PICALM: variants seen among roughly 807,000 people sequenced by gnomAD.
The protein encoded by PICALM is phosphatidylinositol binding clathrin assembly protein.
A neutral mutation model predicts 80.5 loss-of-function variants in PICALM; 40 were observed. The observed-to-expected ratio is 0.50, with a 90% CI of 0.39 to 0.65. The LOEUF (loss-of-function observed/expected upper bound fraction) is 0.65, where lower values mean the gene tolerates loss of function less well. Ranked by LOEUF, PICALM falls within the 30% of genes least tolerant of loss-of-function variation. PICALM has a pLI of 0.00. For missense variants in PICALM, 676 were observed against 778.9 expected, an observed-to-expected ratio of 0.87 and a Z score of 1.57; for synonymous variants, 288 against 260.3, an observed-to-expected ratio of 1.11 and a Z score of -1.02.
intron 19 of PICALM, among the ~76,000 whole-genome samples, chr11:85,966,151 A>G (rs1051470397): frequency 6.6e-6 from 1 of 152,070 alleles, no homozygotes; most frequent in African/African-American, 2.4e-5. Flanking sequence ...GGGATGCCAC[A>G]CAGTGACCTG....
At chr11:85,998,732 T>C (rs367983695) in intron 11 of PICALM, among the ~76,000 whole-genome samples, 1 of 152,136 alleles carries the variant, frequency 6.6e-6, no homozygotes, top group East Asian at 1.9e-4. Context: ...GAGCCATGGC[T>C]GTGCCACTGC....
intron 8 of PICALM, among the ~76,000 whole-genome samples, chr11:86,006,154 C>T (rs1392184145): frequency 2.0e-5 from 3 of 152,168 alleles, no homozygotes; most frequent in Non-Finnish European, 1.5e-5. Flanking sequence ...CAAGCAATGA[C>T]TTGTCTCATG....
chr11:86,000,568 G>A lies in PICALM; in HGVS notation c.1154+75C>T, dbSNP rs968226549. On this transcript the variant is annotated intron_variant, in intron 11 of 19. Transcript: ENST00000393346. ...TAAAAGCATAAATAAAAGTAAACCT[G>A]AAAAGTTCTGCAAAATTTCTATTAG... The A allele has an allele frequency of 2.4e-6, 3 of 1,251,086 alleles. No homozygotes were observed. The African/African-American group carries it at 4.5e-5, about 19-fold the overall frequency. 77.5% of individuals were successfully genotyped at this position (1,251,086 alleles called of 1,614,324 possible).
In PICALM at chr11:85,959,423, G is replaced by A. The variant is rs1021016308; in HGVS notation, c.1945-363C>T. 1.1e-4 allele frequency among the ~76,000 whole-genome samples: 17 copies of A among 151,812 alleles called. 1 individual carries two copies. The South Asian group carries it at 1.2e-3, about 11-fold the overall frequency. On this transcript the variant is annotated intron_variant, in intron 19 of 19. Transcript: ENST00000393346. ...TGGGCAGATCACCTGAGGTGAGTTC[G>A]AGAGTTCGAGACTGGCCTGGCCAAT...
At chr11:85,992,587 G>C (rs998648922) in intron 12 of PICALM, among the ~76,000 whole-genome samples, 1 of 152,052 alleles carries the variant, frequency 6.6e-6, no homozygotes, top group Non-Finnish European at 1.5e-5. Context: ...ACACACGGCC[G>C]AATGTTCTGT....
chr11:86,056,256 T>C (rs752422441), intron 1 of PICALM, among the ~76,000 whole-genome samples: 2 of 146,774 alleles, frequency 1.4e-5, no homozygotes, highest in Non-Finnish European at 3.0e-5. Flanking sequence ...GGAAAAAAAT[T>C]ACAAATCATA....
rs779590044 is a variant in PICALM at position 85,990,241 on chromosome 11, G to T, written c.1408+9C>A. 6.4e-7 allele frequency: 1 copy of T among 1,559,442 alleles called. No individual in the cohort carries two copies. Among genetic ancestry groups the T allele is most frequent in the Non-Finnish European group, 8.8e-7 (1 of 1,138,224 alleles). The stretch of plus-strand genomic sequence containing the variant: ...ATTGATTGGAAAAAAAGGTTAAATG[G>T]TACTTTACCAACAAACATTTCATGA... On this transcript the variant is annotated intron_variant, in intron 13 of 19. Transcript: ENST00000393346.
chr11:85,968,740 G>GT (rs1297300232), intron 19 of PICALM, among the ~76,000 whole-genome samples: 1 of 152,032 alleles, frequency 6.6e-6, no homozygotes, highest in Non-Finnish European at 1.5e-5. Flanking sequence ...TAACCAAATA[G>GT]TAAGACTGTG....
chr11:86,016,993 G>A (rs2095490662), intron 4 of PICALM, among the ~76,000 whole-genome samples: 1 of 152,184 alleles, frequency 6.6e-6, no homozygotes, highest in South Asian at 2.1e-4. Flanking sequence ...AGGCTGAGGG[G>A]CGAGTGGATC....
chr11:86,046,832 C>T (rs1192218525), intron 1 of PICALM, among the ~76,000 whole-genome samples: 1 of 152,186 alleles, frequency 6.6e-6, no homozygotes, highest in African/African-American at 2.4e-5. Context: ...GATACAAGGT[C>T]TCACTATGTT....
At position 86,031,618 on chromosome 11, in the gene PICALM, TA is replaced by T; in HGVS notation, c.131-8del. 2 of 1,589,420 alleles carry T rather than the reference TA, an allele frequency of 1.3e-6. No individual in the cohort carries two copies. The highest frequency in any genetic ancestry group is 8.5e-7 in the Non-Finnish European group (1 of 1,171,354). On this transcript the variant is annotated splice_region_variant and splice_polypyrimidine_tract_variant and intron_variant, in intron 1 of 19. Transcript: ENST00000393346. ...TTTGTGCACTGAATTAAGTCTGCAA[TA>T]AAAAATTTTTAAATGATTAATTTCC... is the stretch of plus-strand genomic sequence containing the variant.
chr11:86,017,100 A>G (rs2095492557), intron 4 of PICALM, among the ~76,000 whole-genome samples: 1 of 152,026 alleles, frequency 6.6e-6, no homozygotes, highest in Admixed American at 6.6e-5. Flanking sequence ...GCATGCGCCT[A>G]TAGTCCCAGA....
intron 2 of PICALM, among the ~76,000 whole-genome samples, chr11:86,031,095 G>T (rs2095743994): frequency 6.6e-6 from 1 of 152,142 alleles, no homozygotes; most frequent in Non-Finnish European, 1.5e-5. Flanking sequence ...CTCAGCCTGG[G>T]CAACAAAGCA....
At chr11:86,053,806 A>C (rs2137424642) in intron 1 of PICALM, among the ~76,000 whole-genome samples, 1 of 152,232 alleles carries the variant, frequency 6.6e-6, no homozygotes, top group Middle Eastern at 3.4e-3. Flanking sequence ...GGACTCAAGC[A>C]ATCTGCCCAC....
Position 85,974,755 on chromosome 11 carries a change from G to C in PICALM, c.1897C>G (p.Pro633Ala). The C allele has an allele frequency of 2.5e-6, 4 of 1,613,814 alleles. No individual in the cohort carries two copies. The highest frequency in any genetic ancestry group is 3.4e-6 in the Non-Finnish European group (4 of 1,179,770). The change falls in exon 19 of 20, where the codon CCT becomes GCT. Residue 633 changes from proline to alanine, a missense_variant. By Grantham distance (27) the Pro-to-Ala change is conservative. This residue lies in a region of PICALM where 391 missense variants were observed against 383.6 expected (regional missense o/e 1.02). Transcript: ENST00000393346. The part of the protein sequence containing the change: ...MTQPTLIYSQ[P>A]VMRPPNPFGP... ...AAGGGGTTTGGAGGTCTCATGACAG[G>C]CTGGCTGTATATTAAGGTTGGTTGC...
chr11:85,991,838 AG>A, intron 12 of PICALM, among the ~76,000 whole-genome samples: 1 of 152,164 alleles, frequency 6.6e-6, no homozygotes, highest in Admixed American at 6.5e-5. Flanking sequence ...AAGAAGTTGC[AG>A]GGGGGCACGG....
rs57641869 is a variant in PICALM, at chr11:85,968,947, AACACACACACACACACACACACACAC to A, written c.1944+5735_1944+5760del. On this transcript the variant is annotated intron_variant, in intron 19 of 19. Coordinates refer to ENST00000393346, the MANE Select transcript of PICALM (RefSeq NM_007166.4). The stretch of plus-strand genomic sequence containing the variant: ...TCTAAAAAATACAGAAAAATGACTC[AACACACACACACACACACACACACAC>A]ACACACACACACACACACACACACG... Among the ~76,000 whole-genome samples, 1,084 of 144,122 alleles carry A rather than the reference AACACACACACACACACACACACACAC, an allele frequency of 7.5e-3. 11 individuals carry two copies. Among genetic ancestry groups the A allele is most frequent in the African/African-American group, 0.026 (1,005 of 38,126 alleles). The allele number at this position is 144,122 out of a possible 152,430, so 94.5% of individuals were successfully genotyped here.
intron 1 of PICALM, among the ~76,000 whole-genome samples, chr11:86,038,836 T>G (rs2095892857): frequency 6.7e-6 from 1 of 150,256 alleles, no homozygotes; most frequent in Non-Finnish European, 1.5e-5. Context: ...AAAGACCAGG[T>G]GCAGTGGCTC....
chr11:85,969,198 C>G (rs1473220677), intron 19 of PICALM, among the ~76,000 whole-genome samples: 1 of 152,164 alleles, frequency 6.6e-6, no homozygotes, highest in Non-Finnish European at 1.5e-5. Flanking sequence ...ACACACAACA[C>G]ACTGGAATGT....
Sources: allele counts gnomAD v4.1 joint callset (sites outside exome capture counted in the v4.1 genomes callset), GRCh38; gene constraint gnomAD v4.1.1; regional missense constraint gnomAD v4.1.1; transcripts MANE v1.5; gene names NCBI Gene and HGNC (gene_info 2026-07-23, HGNC 2026-07-21).